Variants in PCDHGA1 observed in about 807,000 individuals in gnomAD.
PCDHGA1 encodes protocadherin gamma-A1.
In PCDHGA1, 32 loss-of-function variants were observed where a neutral mutation model predicts 58.0. The observed-to-expected ratio is 0.55, with a 90% confidence interval of 0.42 to 0.74. The LOEUF is 0.74. PCDHGA1 is among the 30% of genes least tolerant of loss of function. The pLI is 0.00. For synonymous variants in PCDHGA1, 498 were observed against 501.1 expected (o/e 0.99, Z 0.08); for missense variants, 1,205 against 1,182.3 (o/e 1.02, Z -0.28).
intron 1 of PCDHGA1, chr5:141,410,254 C>T: frequency 3.1e-6 from 5 of 1,614,020 alleles, no homozygotes; most frequent in Non-Finnish European, 3.4e-6. Flanking sequence ...TCTCTGACCC[C>T]CAGGCTGAAC....
chr5:141,507,287 C>G (rs79707942), intron 3 of PCDHGA1: 1 of 148,974 alleles, frequency 6.7e-6, no homozygotes, highest in East Asian at 1.9e-4. Context: ...AAGTCAGTCT[C>G]AAATGTTGCA....
intron 1 of PCDHGA1, among the ~76,000 whole-genome samples, chr5:141,436,175 A>G (rs1263518258): frequency 1.3e-5 from 2 of 152,192 alleles, no homozygotes; most frequent in Non-Finnish European, 2.9e-5. Flanking sequence ...CAGTTCTCAT[A>G]TATAGTCAAA....
intron 1 of PCDHGA1, chr5:141,341,427 C>T (rs1757055903): frequency 6.2e-7 from 1 of 1,612,370 alleles, no homozygotes; most frequent in Non-Finnish European, 8.5e-7. Flanking sequence ...TACGTACTAG[C>T]TAGTTTGCTG....
intron 1 of PCDHGA1, among the ~76,000 whole-genome samples, chr5:141,354,236 C>A (rs989909155): frequency 2.0e-5 from 3 of 152,054 alleles, no homozygotes; most frequent in Non-Finnish European, 2.9e-5. Context: ...TTTTTAAGAT[C>A]AGAGTTATTT....
chr5:141,410,602 T>A, intron 1 of PCDHGA1: 4 of 1,607,792 alleles, frequency 2.5e-6, no homozygotes, highest in South Asian at 2.2e-5. Flanking sequence ...TGACTTCACA[T>A]CCTGAGACTC....
intron 3 of PCDHGA1, among the ~76,000 whole-genome samples, chr5:141,506,435 G>C (rs1470687416): frequency 7.9e-6 from 1 of 126,278 alleles, no homozygotes; most frequent in East Asian, 2.1e-4. Flanking sequence ...CAACAGTCTC[G>C]CTCTGTCTCA....
intron 1 of PCDHGA1, among the ~76,000 whole-genome samples, chr5:141,463,948 C>A (rs1397198849): frequency 6.6e-6 from 1 of 151,846 alleles, no homozygotes; most frequent in Non-Finnish European, 1.5e-5. Context: ...TAGAAATCTT[C>A]ATTTTTAAAA....
chr5:141,431,547 T>TA lies in PCDHGA1; in HGVS notation c.2422-63259dup. On this transcript the variant is annotated intron_variant, in intron 1 of 3. Transcript: ENST00000517417. The surrounding 1 kb of genome is among the most constrained non-coding windows in gnomAD (Gnocchi z 4.8). ...CTGGCCTTGGGCACGCAGCTGCTTG[T>TA]AGTCAACGCTACCGACCCTGACGAA... 6.2e-7 allele frequency: 1 copy of TA among 1,614,096 alleles called. No individual in the cohort carries two copies. The highest frequency in any genetic ancestry group is 8.5e-7 in the Non-Finnish European group (1 of 1,180,022).
Position 141,477,311 on chromosome 5 carries a change from C to G in PCDHGA1, c.2422-17496C>G. 6.2e-7 allele frequency: 1 copy of G among 1,614,186 alleles called. No individual in the cohort carries two copies. The highest frequency in any genetic ancestry group is 8.5e-7 in the Non-Finnish European group (1 of 1,180,032). ...AGTTCCACCGGGTCTCCCTTTCAGC[C>G]TTACTTCTTCCCTCAAGAATTACTT... On this transcript the variant is annotated intron_variant, in intron 1 of 3. Coordinates refer to ENST00000517417, the MANE Select transcript of PCDHGA1 (RefSeq NM_018912.3). The surrounding 1 kb of genome is among the most constrained non-coding windows in gnomAD (Gnocchi z 4.9).
Position 141,477,187 on chromosome 5 carries a change from G to A in PCDHGA1, c.2422-17620G>A, listed in dbSNP as rs2154575648. ...CCCCGGAGATCACAGTCACCTCCGT[G>A]TACAGCCCAGTACCCGAGGATGCCC... On this transcript the variant is annotated intron_variant, in intron 1 of 3. Coordinates refer to ENST00000517417, the MANE Select transcript of PCDHGA1 (RefSeq NM_018912.3). The surrounding 1 kb of genome is among the most constrained non-coding windows in gnomAD (Gnocchi z 4.9). The A allele has an allele frequency of 6.2e-7, 1 of 1,614,190 alleles. No individual in the cohort carries two copies. The highest frequency in any genetic ancestry group is 2.2e-5 in the East Asian group (1 of 44,874).
Position 141,346,038 on chromosome 5 carries a change from C to T in PCDHGA1, c.2421+12933C>T, listed in dbSNP as rs767383740. 89 of 1,613,338 alleles carry T rather than the reference C, an allele frequency of 5.5e-5. No homozygotes were observed. In the Admixed American group the frequency reaches 6.3e-4, roughly 11 times the overall value. On this transcript the variant is annotated intron_variant, in intron 1 of 3. Transcript: ENST00000517417. ...CACCGTGGCCGTGGCCGACAGGATCCCCGACATCCTGGCCGACCTGGGCAG... is the reference window on the plus strand; with the variant it reads ...CACCGTGGCCGTGGCCGACAGGATCTCCGACATCCTGGCCGACCTGGGCAG...
At chr5:141,473,402 T>C (rs1019157713) in intron 1 of PCDHGA1, among the ~76,000 whole-genome samples, 7 of 152,224 alleles carry the variant, frequency 4.6e-5, no homozygotes, top group Non-Finnish European at 7.3e-5. Flanking sequence ...CTTCTTTTTT[T>C]CTTCTTCAGT....
chr5:141,370,717 T>C, intron 1 of PCDHGA1: 4 of 1,613,822 alleles, frequency 2.5e-6, no homozygotes, highest in Non-Finnish European at 3.4e-6. Flanking sequence ...GAATTTGAAA[T>C]GGTTGCTGAA....
intron 1 of PCDHGA1, chr5:141,427,102 C>T (rs1363595185): frequency 6.6e-6 from 3 of 457,858 alleles, no homozygotes; most frequent in South Asian, 3.1e-5. Flanking sequence ...GGTGTCAATG[C>T]GGAGATCACC....
intron 1 of PCDHGA1, among the ~76,000 whole-genome samples, chr5:141,369,209 C>T (rs567971438): frequency 1.3e-5 from 2 of 151,888 alleles, no homozygotes; most frequent in South Asian, 2.1e-4. Context: ...AAACTGGGGA[C>T]CAAGGAAAAG....
rs1244884449 is a variant in PCDHGA1, at chr5:141,330,580, C to G, written c.-105C>G. On this transcript the variant is annotated 5_prime_UTR_variant, in exon 1 of 4. Coordinates refer to ENST00000517417, the MANE Select transcript of PCDHGA1 (RefSeq NM_018912.3). ...CTGCCTAAATCCTACTTCTGGATGACTCTCCAGTCAGAATTCTCCTGAAAA... is the reference window on the plus strand; with the variant it reads ...CTGCCTAAATCCTACTTCTGGATGAGTCTCCAGTCAGAATTCTCCTGAAAA... 8.1e-7 allele frequency: 1 copy of G among 1,241,116 alleles called. No individual in the cohort carries two copies. The highest frequency in any genetic ancestry group is 1.5e-5 in the African/African-American group (1 of 66,322). The allele number at this position is 1,241,116 out of a possible 1,614,324, so 76.9% of individuals were successfully genotyped here.
intron 1 of PCDHGA1, chr5:141,365,891 G>A (rs1764189637): frequency 1.2e-6 from 2 of 1,614,018 alleles, no homozygotes; most frequent in Non-Finnish European, 1.7e-6. Flanking sequence ...GAGATCCTTC[G>A]ACTATGAGCA....
chr5:141,361,562 C>T, intron 1 of PCDHGA1: 3 of 1,614,074 alleles, frequency 1.9e-6, no homozygotes, highest in Non-Finnish European at 2.5e-6. Flanking sequence ...CAAATCAGTG[C>T]CTCTGACCCT....
chr5:141,429,048 G>A (rs2097180589), intron 1 of PCDHGA1: 5 of 152,064 alleles, frequency 3.3e-5, no homozygotes, highest in Admixed American at 3.3e-4. Context: ...TACAGACGGG[G>A]TTTCACCGTG....
Sources: gnomAD v4.1 joint callset for allele counts (sites outside exome capture counted in the v4.1 genomes callset) on GRCh38, gnomAD v4.1.1 for gene constraint, Gnocchi (gnomAD v3.1) non-coding constraint, MANE v1.5 for transcripts, NCBI Gene and HGNC (gene_info 2026-07-23, HGNC 2026-07-21) for gene names.